Variants in FRMD4A observed in about 807,000 individuals in gnomAD.
FRMD4A encodes FERM domain-containing protein 4A.
In FRMD4A, 29 loss-of-function variants were observed where a neutral mutation model predicts 129.1. The ratio of observed to expected loss-of-function variants is 0.22; its 90% confidence interval spans 0.17 to 0.31. The LOEUF (loss-of-function observed/expected upper bound fraction) is 0.31. Among genes scored for constraint, FRMD4A ranks in the 10% least tolerant of loss-of-function variants. The pLI, the probability that FRMD4A is intolerant of heterozygous loss-of-function variation, is 1.00. For synonymous variants in FRMD4A, 634 were observed against 571.6 expected, an observed-to-expected ratio of 1.11 and a Z score of -1.56; for missense variants, 1,272 against 1,375.8, an observed-to-expected ratio of 0.92 and a Z score of 1.19.
At chr10:13,850,523 T>A (rs2094126610) in intron 3 of FRMD4A, among the ~76,000 whole-genome samples, 1 of 152,168 alleles carries the variant, frequency 6.6e-6, no homozygotes, top group Non-Finnish European at 1.5e-5. Flanking sequence ...ATGTGTCACA[T>A]GTTTCAGGCT....
chr10:14,098,363 T>C (rs1340092864), intron 2 of FRMD4A, among the ~76,000 whole-genome samples: 1 of 151,108 alleles, frequency 6.6e-6, no homozygotes, highest in Admixed American at 6.6e-5. Flanking sequence ...CCTTGACTGA[T>C]AAAGGAAATA....
At chr10:13,655,009 C>T (rs1449906924) in intron 22 of FRMD4A, 1 of 160,386 alleles carries the variant, frequency 6.2e-6, no homozygotes, top group Non-Finnish European at 1.4e-5. Context: ...TCAGAGCCTG[C>T]TCTCTCTGCT....
intron 2 of FRMD4A, among the ~76,000 whole-genome samples, chr10:13,996,332 C>G (rs2095622393): frequency 1.3e-5 from 2 of 152,186 alleles, no homozygotes; most frequent in South Asian, 4.1e-4. Flanking sequence ...ATGGGTGGAC[C>G]CGGCACCTAT....
chr10:14,085,037 G>A (rs775370206), intron 2 of FRMD4A, among the ~76,000 whole-genome samples: 16 of 152,066 alleles, frequency 1.1e-4, no homozygotes, highest in East Asian at 5.8e-4. Flanking sequence ...CAAACCCCTC[G>A]GGTACGCTCT....
At chr10:13,852,224 A>G (rs1364870130) in intron 3 of FRMD4A, among the ~76,000 whole-genome samples, 1 of 152,140 alleles carries the variant, frequency 6.6e-6, no homozygotes, top group Non-Finnish European at 1.5e-5. Context: ...GTGAGCCACA[A>G]AAGTTAGCCC....
chr10:13,804,583 C>T (rs777443461), intron 4 of FRMD4A, among the ~76,000 whole-genome samples: 1 of 150,698 alleles, frequency 6.6e-6, no homozygotes, highest in Non-Finnish European at 1.5e-5. Flanking sequence ...CTCGCTCTGT[C>T]GCCAGGCTGG....
At chr10:14,000,728 G>A (rs1202439571) in intron 2 of FRMD4A, among the ~76,000 whole-genome samples, 2 of 147,024 alleles carry the variant, frequency 1.4e-5, no homozygotes, top group African/African-American at 5.0e-5. Context: ...GTACATATTT[G>A]CAATATGGCA....
intron 12 of FRMD4A, among the ~76,000 whole-genome samples, chr10:13,726,856 A>G (rs1252537612): frequency 6.6e-6 from 1 of 151,292 alleles, no homozygotes; most frequent in African/African-American, 2.4e-5. Context: ...AGCCTTCCAA[A>G]GTGCTGGGAT....
At chr10:13,682,523 C>T (rs1303549062) in intron 15 of FRMD4A, among the ~76,000 whole-genome samples, 7 of 115,806 alleles carry the variant, frequency 6.0e-5, no homozygotes, top group African/African-American at 2.3e-4. Flanking sequence ...TTTTTTGAGA[C>T]AGAGTCTCGC....
At chr10:14,306,340 A>C (rs1846350972) in intron 2 of FRMD4A, among the ~76,000 whole-genome samples, 1 of 152,242 alleles carries the variant, frequency 6.6e-6, no homozygotes, top group Non-Finnish European at 1.5e-5. Context: ...TTCCCAACAC[A>C]GAGAGGTCAT....
chr10:13,748,118 C>T (rs1263727493), intron 8 of FRMD4A, among the ~76,000 whole-genome samples: 1 of 152,176 alleles, frequency 6.6e-6, no homozygotes, highest in African/African-American at 2.4e-5. Flanking sequence ...GTGAACGCCC[C>T]TGAGCAGCCC....
chr10:13,705,177 G>A (rs777859453), intron 13 of FRMD4A, among the ~76,000 whole-genome samples: 19 of 152,170 alleles, frequency 1.2e-4, no homozygotes, highest in Non-Finnish European at 1.8e-4. Flanking sequence ...CACAGCACCC[G>A]ACAAGGACAC....
chr10:14,076,191 C>A (rs547442009), intron 2 of FRMD4A, among the ~76,000 whole-genome samples: 1 of 152,316 alleles, frequency 6.6e-6, no homozygotes, highest in South Asian at 2.1e-4. Context: ...AAGACCTGTG[C>A]ATGGATCCCC....
intron 3 of FRMD4A, among the ~76,000 whole-genome samples, chr10:13,856,877 T>C (rs1373792068): frequency 1.3e-5 from 2 of 152,190 alleles, no homozygotes; most frequent in African/African-American, 4.8e-5. Context: ...AGAAGGTGGC[T>C]TCTTTCTAAA....
Position 13,659,576 on chromosome 10 carries a change from G to A in FRMD4A, c.1899-86C>T, listed in dbSNP as rs144235428. 2.1e-5 allele frequency: 28 copies of A among 1,355,836 alleles called. No individual in the cohort carries two copies. In the African/African-American group the frequency reaches 3.7e-4, roughly 18 times the overall value. The allele number at this position is 1,355,836 out of a possible 1,614,324, so 84.0% of individuals were successfully genotyped here. On this transcript the variant is annotated intron_variant, in intron 20 of 24. Transcript: ENST00000357447. The stretch of plus-strand genomic sequence containing the variant: ...TGGCTAGTTCAGGACAATGATCCCA[G>A]CATGTGGGGAAAGCTCGCCCGTGAC...
chr10:14,251,643 G>T (rs1271988127), intron 2 of FRMD4A, among the ~76,000 whole-genome samples: 3 of 152,200 alleles, frequency 2.0e-5, no homozygotes, highest in African/African-American at 7.2e-5. Flanking sequence ...TAAACACTTT[G>T]AAAGAGGAGT....
intron 2 of FRMD4A, among the ~76,000 whole-genome samples, chr10:13,930,798 A>G (rs2095185654): frequency 6.6e-6 from 1 of 152,266 alleles, no homozygotes; most frequent in East Asian, 1.9e-4. Context: ...CCTAAATTAT[A>G]CTGTTATTTA....
At chr10:14,060,825 C>T (rs930796274) in intron 2 of FRMD4A, among the ~76,000 whole-genome samples, 1 of 152,088 alleles carries the variant, frequency 6.6e-6, no homozygotes, top group African/African-American at 2.4e-5. Context: ...CTTTTCTGAT[C>T]TTTGGGTCCC....
intron 2 of FRMD4A, among the ~76,000 whole-genome samples, chr10:14,139,532 C>T (rs1278023812): frequency 6.6e-6 from 1 of 152,104 alleles, no homozygotes. Context: ...TCTCTACAAC[C>T]TTGACTTCCT....
Sources: gnomAD v4.1 joint callset for allele counts (sites outside exome capture counted in the v4.1 genomes callset) on GRCh38, gnomAD v4.1.1 for gene constraint, MANE v1.5 for transcripts, NCBI Gene and HGNC (gene_info 2026-07-23, HGNC 2026-07-21) for gene names.